IL34: variants seen among roughly 807,000 people sequenced by gnomAD.
The protein encoded by IL34 is interleukin-34.
Under a neutral mutation model 25.3 loss-of-function variants are expected in IL34, and 17 were observed. The ratio of observed to expected loss-of-function variants is 0.67; its 90% CI spans 0.46 to 1.01. The LOEUF (loss-of-function observed/expected upper bound fraction) is 1.01. IL34 is among the 50% of genes least tolerant of loss of function. The pLI is 0.00. For synonymous variants in IL34, 174 were observed against 140.9 expected (o/e 1.23, Z -1.66); for missense variants, 368 against 312.9 (o/e 1.18, Z -1.33).
chr16:70,645,046 G>C (rs1465928754), upstream of IL34, among the ~76,000 whole-genome samples: 4 of 148,520 alleles, frequency 2.7e-5, no homozygotes, highest in Admixed American at 1.3e-4. Context: ...AGGAGGACGA[G>C]GAAGGAGGAA....
intron 4 of IL34, chr16:70,657,391 C>T: frequency 2.4e-6 from 1 of 425,414 alleles, no homozygotes; most frequent in Non-Finnish European, 4.2e-6. Context: ...CCCTCTGGAT[C>T]CTGGGCAAGT....
intron 1 of IL34, among the ~76,000 whole-genome samples, chr16:70,583,092 A>G (rs2050652755): frequency 6.6e-6 from 1 of 152,066 alleles, no homozygotes; most frequent in South Asian, 2.1e-4. Context: ...TTTGATTTCA[A>G]TGACAAGGAG....
chr16:70,638,826 C>G (rs990857871), intron 1 of IL34, among the ~76,000 whole-genome samples: 1 of 152,190 alleles, frequency 6.6e-6, no homozygotes, highest in African/African-American at 2.4e-5. Context: ...AAGCGATCCT[C>G]TTGCCTCAGC....
At chr16:70,658,340 T>A (rs553435188) in intron 4 of IL34, among the ~76,000 whole-genome samples, 2 of 152,244 alleles carry the variant, frequency 1.3e-5, no homozygotes, top group South Asian at 2.1e-4. Flanking sequence ...ATTTTATTTC[T>A]TTTTTATTGT....
chr16:70,659,759 G>T lies in IL34; in HGVS notation c.538+6G>T, dbSNP rs944117029. ...GCTGCTGTACTGCTCCTGCTGTAAG[G>T]AGCTCTCAGGGGATGGCGCCTGGGG... On this transcript the variant is annotated splice_donor_region_variant and intron_variant, in intron 5 of 5. Coordinates refer to ENST00000288098, the MANE Select transcript of IL34 (RefSeq NM_001393494.1). The T allele has an allele frequency of 6.3e-6, 10 of 1,590,346 alleles. No individual in the cohort carries two copies. Among genetic ancestry groups the T allele is most frequent in the African/African-American group, 1.3e-5 (1 of 74,518 alleles).
chr16:70,583,437 C>T (rs563426368), intron 1 of IL34, among the ~76,000 whole-genome samples: 1 of 152,224 alleles, frequency 6.6e-6, no homozygotes, highest in South Asian at 2.1e-4. Flanking sequence ...GATGCCTGTT[C>T]TTGCGGCTTC....
At chr16:70,628,508 A>G (rs915246433) in intron 1 of IL34, among the ~76,000 whole-genome samples, 2 of 145,014 alleles carry the variant, frequency 1.4e-5, no homozygotes, top group African/African-American at 2.7e-5. Context: ...TTTTTTTGAG[A>G]CAGAGTCTTG....
intron 1 of IL34, among the ~76,000 whole-genome samples, chr16:70,601,519 C>T (rs142374948): frequency 8.5e-5 from 13 of 152,250 alleles, no homozygotes; most frequent in African/African-American, 2.9e-4. Context: ...TCAAACAATT[C>T]TCCCACCTCA....
intron 1 of IL34, among the ~76,000 whole-genome samples, chr16:70,592,717 C>T (rs2050770525): frequency 6.6e-6 from 1 of 152,102 alleles, no homozygotes; most frequent in East Asian, 1.9e-4. Flanking sequence ...TACAGTGGCG[C>T]GATCTGGGCT....
At chr16:70,629,695 A>AT (rs573603186) in intron 1 of IL34, among the ~76,000 whole-genome samples, 1 of 151,056 alleles carries the variant, frequency 6.6e-6, no homozygotes, top group Non-Finnish European at 1.5e-5. Context: ...ACCTCACTAC[A>AT]TTTTTTTCTT....
intron 1 of IL34, among the ~76,000 whole-genome samples, chr16:70,633,961 C>T (rs1034111260): frequency 1.3e-5 from 2 of 152,064 alleles, no homozygotes; most frequent in Admixed American, 1.3e-4. Context: ...AGCGATTCTG[C>T]TGCCTCAGCC....
chr16:70,636,338 G>T (rs899159083), intron 1 of IL34, among the ~76,000 whole-genome samples: 1 of 151,960 alleles, frequency 6.6e-6, no homozygotes, highest in Non-Finnish European at 1.5e-5. Flanking sequence ...GCCAGGCCCA[G>T]GGTCTGTATT....
intron 1 of IL34, among the ~76,000 whole-genome samples, chr16:70,628,948 C>T (rs2051458070): frequency 6.6e-6 from 1 of 151,940 alleles, no homozygotes; most frequent in African/African-American, 2.4e-5. Flanking sequence ...CCATTGTGTC[C>T]AACTAACTTT....
intron 1 of IL34, among the ~76,000 whole-genome samples, chr16:70,592,457 C>A (rs1408936452): frequency 1.3e-5 from 2 of 152,112 alleles, no homozygotes; most frequent in African/African-American, 4.8e-5. Flanking sequence ...CTTAACCCAA[C>A]CCTGGAAGGT....
intron 1 of IL34, among the ~76,000 whole-genome samples, chr16:70,594,034 C>A (rs2050786765): frequency 6.6e-6 from 1 of 152,176 alleles, no homozygotes; most frequent in Non-Finnish European, 1.5e-5. Flanking sequence ...ATTGCTATAG[C>A]TTTAAGTAAG....
chr16:70,598,025 TAGTAG>T (rs2050849066), intron 1 of IL34, among the ~76,000 whole-genome samples: 2 of 152,212 alleles, frequency 1.3e-5, no homozygotes, highest in South Asian at 4.1e-4. Context: ...TTTATATTTT[TAGTAG>T]AGACGGGGTT....
chr16:70,648,297 C>T (rs557778510), intron 1 of IL34, among the ~76,000 whole-genome samples: 42 of 152,150 alleles, frequency 2.8e-4, no homozygotes, highest in Admixed American at 1.7e-3. Flanking sequence ...GGCTCACGCC[C>T]GTGATCCCAG....
chr16:70,596,927 G>C (rs2050831818), intron 1 of IL34, among the ~76,000 whole-genome samples: 1 of 151,954 alleles, frequency 6.6e-6, no homozygotes, highest in African/African-American at 2.4e-5. Flanking sequence ...TCTGAAGCCA[G>C]ACCTGTACTT....
At chr16:70,622,890 C>T (rs2051311723) in intron 1 of IL34, among the ~76,000 whole-genome samples, 1 of 152,176 alleles carries the variant, frequency 6.6e-6, no homozygotes, top group East Asian at 1.9e-4. Flanking sequence ...TGTATGCAGA[C>T]ATGAGGGCTA....
Sources: allele counts gnomAD v4.1 joint callset (sites outside exome capture counted in the v4.1 genomes callset), GRCh38; gene constraint gnomAD v4.1.1; transcripts MANE v1.5; gene names NCBI Gene and HGNC (gene_info 2026-07-23, HGNC 2026-07-21).